Variants in N4BP2 observed in about 807,000 individuals in gnomAD.
The protein encoded by N4BP2 is NEDD4 binding protein 2.
In N4BP2, 91 loss-of-function variants were observed where a neutral mutation model predicts 152.8. The ratio of observed to expected loss-of-function variants is 0.60; its 90% confidence interval spans 0.50 to 0.71. The LOEUF (loss-of-function observed/expected upper bound fraction) is 0.71, where lower values mean the gene tolerates loss of function less well. N4BP2 is among the 30% of genes least tolerant of loss of function. The probability of loss-of-function intolerance (pLI) is 0.00; values close to 1 mark genes in which losing one functional copy is unlikely to be tolerated. For missense variants in N4BP2, 1,923 were observed against 2,059.1 expected, an observed-to-expected ratio of 0.93 and a Z score of 1.28; for synonymous variants, 646 against 705.3, an observed-to-expected ratio of 0.92 and a Z score of 1.33.
rs1733682403 is a variant in N4BP2, at chr4:40,061,874, A to G, written c.-212+4844A>G. 2.0e-5 allele frequency among the ~76,000 whole-genome samples: 3 copies of G among 151,942 alleles called. No homozygotes were observed. In the South Asian group the frequency reaches 6.2e-4, roughly 31 times the overall value. On this transcript the variant is annotated intron_variant, in intron 1 of 17. Coordinates refer to ENST00000261435, the MANE Select transcript of N4BP2 (RefSeq NM_018177.6). ...GAGATGGGTTTTCGCCATGTTGGCC[A>G]GGGTGGTCTGGAACTCCTGACCTCG...
chr4:40,140,074 G>A (rs12650953), intron 14 of N4BP2, among the ~76,000 whole-genome samples: 15,188 of 152,056 alleles, frequency 0.1, 1,160 homozygotes, highest in East Asian at 0.33. Context: ...TTACAGGCGT[G>A]AGCCACCATG....
chr4:40,145,010 G>C (rs1720380217), intron 16 of N4BP2, among the ~76,000 whole-genome samples: 1 of 152,114 alleles, frequency 6.6e-6, no homozygotes, highest in South Asian at 2.1e-4. Context: ...TTGTATTCCT[G>C]TGCTGTATTT....
chr4:40,135,372 A>G (rs1426252822), intron 13 of N4BP2, among the ~76,000 whole-genome samples: 1 of 151,102 alleles, frequency 6.6e-6, no homozygotes, highest in Non-Finnish European at 1.5e-5. Flanking sequence ...GGTTGGTTCC[A>G]AGTCTTTGCT....
At chr4:40,134,448 G>T (rs902458146) in intron 13 of N4BP2, among the ~76,000 whole-genome samples, 3 of 152,134 alleles carry the variant, frequency 2.0e-5, no homozygotes, top group Non-Finnish European at 2.9e-5. Context: ...GTGGCTGATT[G>T]CCTCCATTTG....
chr4:40,118,684 C>A (rs1249659240), intron 8 of N4BP2, among the ~76,000 whole-genome samples: 1 of 152,054 alleles, frequency 6.6e-6, no homozygotes, highest in East Asian at 1.9e-4. Context: ...ATTTTGTATC[C>A]ACTCAAATCA....
intron 16 of N4BP2, 152 bp from the exon 17 acceptor site, chr4:40,152,628 T>C (rs1375454739): frequency 1.4e-6 from 1 of 692,220 alleles, no homozygotes; most frequent in African/African-American, 1.8e-5. Flanking sequence ...CTTTTTGAGA[T>C]AGCAAATCTG....
chr4:40,080,586 C>T (rs1157248383), intron 2 of N4BP2, among the ~76,000 whole-genome samples: 2 of 152,004 alleles, frequency 1.3e-5, no homozygotes, highest in East Asian at 1.9e-4. Context: ...CTGCCCGCCT[C>T]GGCCTCCCAA....
At chr4:40,095,767 A>AG (rs1298274581) in intron 2 of N4BP2, among the ~76,000 whole-genome samples, 1 of 152,220 alleles carries the variant, frequency 6.6e-6, no homozygotes, top group Admixed American at 6.5e-5. Context: ...GAAGGAGTAC[A>AG]GGAGTTAGCC....
At chr4:40,100,367 T>G (rs1004752951) in intron 3 of N4BP2, among the ~76,000 whole-genome samples, 1 of 143,166 alleles carries the variant, frequency 7.0e-6, no homozygotes, top group Non-Finnish European at 1.5e-5. Context: ...TCTTATTTTG[T>G]TTTTTTTTTT....
In N4BP2 at chr4:40,137,029, C is replaced by T; in HGVS notation, c.4732C>T (p.His1578Tyr). 1.9e-6 allele frequency: 3 copies of T among 1,613,778 alleles called. No homozygotes were observed. The highest frequency in any genetic ancestry group is 1.3e-5 in the African/African-American group (1 of 75,024). Residue 1578 changes from histidine to tyrosine, a missense_variant, in exon 14 of 18, where the codon CAC becomes TAC. Physicochemically the swap from His to Tyr is moderately conservative, Grantham distance 83. Transcript: ENST00000261435. The part of the protein sequence containing the change: ...VKTVVAQEFV[H>Y]QNENVTSHTG... ...AACAGTTGTAGCCCAAGAGTTTGTTCACCAAAATGAGAATGTCACATCTCA... is the reference window on the plus strand; with the variant it reads ...AACAGTTGTAGCCCAAGAGTTTGTTTACCAAAATGAGAATGTCACATCTCA...
intron 2 of N4BP2, among the ~76,000 whole-genome samples, chr4:40,084,434 A>ATT (rs112515359): frequency 1.5e-4 from 21 of 141,400 alleles, no homozygotes; most frequent in East Asian, 1.0e-3. Flanking sequence ...CTGGTTTGAG[A>ATT]TTTTTTTTTT....
chr4:40,113,409 GT>G, intron 6 of N4BP2, 22 bp from the exon 7 acceptor site: 1 of 1,505,276 alleles, frequency 6.6e-7, no homozygotes, highest in South Asian at 1.2e-5. Context: ...ATTTTAAAAT[GT>G]TTTTGTCTTT....
chr4:40,126,135 T>G lies in N4BP2; in HGVS notation c.4332T>G (p.Asp1444Glu), dbSNP rs145789263. The change falls in exon 12 of 18, where the codon GAT (aspartate) becomes GAG (glutamate). Residue 1444 changes from aspartate to glutamate, a missense_variant and splice_region_variant. By Grantham distance (45) the Asp-to-Glu change is conservative. Transcript: ENST00000261435. ...EEVSCGKFMQ[D>E]PSLVGHTGLD... ...GACAGTATTTATACTACTTTGTAGA[T>G]CCTTCCTTGGTTGGACATACTGGGC... The G allele has an allele frequency of 5.1e-6, 8 of 1,569,808 alleles. No homozygotes were observed. The highest frequency in any genetic ancestry group is 6.9e-6 in the Non-Finnish European group (8 of 1,162,538).
At chr4:40,108,473 G>T (rs1003502732) in intron 5 of N4BP2, among the ~76,000 whole-genome samples, 1 of 151,958 alleles carries the variant, frequency 6.6e-6, no homozygotes, top group African/African-American at 2.4e-5. Flanking sequence ...GTGCCACCAT[G>T]CCTGGCTAAT....
intron 1 of N4BP2, among the ~76,000 whole-genome samples, chr4:40,059,399 T>G (rs1326529426): frequency 1.3e-5 from 2 of 151,650 alleles, no homozygotes; most frequent in Non-Finnish European, 2.9e-5. Context: ...TATGTATGTA[T>G]GTATGTATTT....
chr4:40,061,934 G>T (rs1733686978), intron 1 of N4BP2, among the ~76,000 whole-genome samples: 1 of 151,686 alleles, frequency 6.6e-6, no homozygotes, highest in South Asian at 2.1e-4. Context: ...CAAAGTGCTG[G>T]GGTTACAGGT....
chr4:40,067,198 A>G (rs1263757023), intron 1 of N4BP2, among the ~76,000 whole-genome samples: 1 of 151,132 alleles, frequency 6.6e-6, no homozygotes, highest in Non-Finnish European at 1.5e-5. Flanking sequence ...AGCTGGAACC[A>G]CAGGTGTGCA....
Position 40,072,495 on chromosome 4 carries a change from C to T in N4BP2, c.-211-960C>T, listed in dbSNP as rs148466917. On this transcript the variant is annotated intron_variant, in intron 1 of 17. Coordinates refer to ENST00000261435, the MANE Select transcript of N4BP2 (RefSeq NM_018177.6). ...TCCTGACCTCGTGATCCACCCACCT[C>T]GGCCTCCCAACGTGCTGGGATTACA... is the stretch of plus-strand genomic sequence containing the variant. Among the ~76,000 whole-genome samples, 142 of 151,792 alleles carry T rather than the reference C, an allele frequency of 9.4e-4. 5 individuals carry two copies. The East Asian group carries it at 0.024, about 25-fold the overall frequency.
chr4:40,164,056 C>T, the N4BP2 span, among the ~76,000 whole-genome samples: 2,482 of 152,004 alleles, frequency 0.016, 73 homozygotes, highest in African/African-American at 0.057. Context: ...TAGTGATTGG[C>T]GGATAGGTAT....
Sources: gnomAD v4.1 joint callset for allele counts (sites outside exome capture counted in the v4.1 genomes callset) on GRCh38, gnomAD v4.1.1 for gene constraint, MANE v1.5 for transcripts, NCBI Gene and HGNC (gene_info 2026-07-23, HGNC 2026-07-21) for gene names.